Variants in ATIC observed in about 807,000 individuals in gnomAD.
ATIC encodes bifunctional purine biosynthesis protein ATIC.
Under a neutral mutation model 72.5 loss-of-function variants are expected in ATIC, and 64 were observed. The observed-to-expected ratio is 0.88, with a 90% CI of 0.72 to 1.09. The LOEUF (loss-of-function observed/expected upper bound fraction) is 1.09, where lower values mean the gene tolerates loss of function less well. Ranked by LOEUF, ATIC falls within the 50% of genes least tolerant of loss-of-function variation. The pLI is 0.00. For missense variants in ATIC, 787 were observed against 732.4 expected, an observed-to-expected ratio of 1.07 and a Z score of -0.86; for synonymous variants, 281 against 267.1, an observed-to-expected ratio of 1.05 and a Z score of -0.51.
At chr2:215,338,312 G>A (rs17448050) in intron 11 of ATIC, among the ~76,000 whole-genome samples, 2,732 of 152,284 alleles carry the variant, frequency 0.018, 34 homozygotes, top group Non-Finnish European at 0.026. Context: ...CAATTCCTGG[G>A]TTAGCTGGGT....
At chr2:215,319,031 C>T (rs2052739807) in intron 3 of ATIC, among the ~76,000 whole-genome samples, 1 of 151,882 alleles carries the variant, frequency 6.6e-6, no homozygotes, top group African/African-American at 2.4e-5. Flanking sequence ...TAGGCATGTG[C>T]CACCACACCC....
intron 2 of ATIC, among the ~76,000 whole-genome samples, chr2:215,313,990 CTTTT>C (rs1484561584): frequency 6.6e-6 from 1 of 151,936 alleles, no homozygotes. Flanking sequence ...TCTGTAGTCT[CTTTT>C]TTTTCCCCAC....
the ATIC span, chr2:215,368,057 G>A: frequency 1.2e-6 from 2 of 1,612,070 alleles, no homozygotes; most frequent in Non-Finnish European, 1.7e-6. Flanking sequence ...AAAGCAAAAA[G>A]AGACATCTTA....
Position 215,329,603 on chromosome 2 carries a change from A to G in ATIC, c.688+2625A>G, listed in dbSNP as rs370671851. Among the ~76,000 whole-genome samples the G allele has an allele frequency of 6.4e-4, 98 of 152,294 alleles. 2 individuals are homozygous for G. Among genetic ancestry groups the G allele is most frequent in the African/African-American group, 2.1e-3 (88 of 41,560 alleles). On this transcript the variant is annotated intron_variant, in intron 7 of 15. Coordinates refer to ENST00000236959, the MANE Select transcript of ATIC (RefSeq NM_004044.7). ...AAGATGGGGTTGTGTGAGTGTGTGT[A>G]TGTGTCTGAGATTTTAATGACTGGT...
chr2:215,331,956 C>T lies in ATIC; in HGVS notation c.689-426C>T, dbSNP rs560386773. Among the ~76,000 whole-genome samples the T allele has an allele frequency of 1.1e-4, 17 of 152,248 alleles. 1 individual carries two copies. The South Asian group carries it at 3.3e-3, about 30-fold the overall frequency. ...TAGCTTGTAATATAATTTCTTACAT[C>T]GATAGGGTTTATAACTTTAATTTTG... is the stretch of plus-strand genomic sequence containing the variant. On this transcript the variant is annotated intron_variant, in intron 7 of 15. Coordinates refer to ENST00000236959, the MANE Select transcript of ATIC (RefSeq NM_004044.7).
intron 10 of ATIC, 29 bp from the exon 11 acceptor site, chr2:215,336,006 A>AG: frequency 6.5e-7 from 1 of 1,535,546 alleles, no homozygotes; most frequent in Non-Finnish European, 9.0e-7. Flanking sequence ...ATTTTTAAAA[A>AG]TAGAAATTAA....
At position 215,318,245 on chromosome 2, in the gene ATIC, G is replaced by A. The variant is rs754477465; in HGVS notation, c.223+12G>A. ...TGCAGTCCATGCTGGTAAGTGGTTG[G>A]TATCTTTAATGTAAAAACAGTCAGT... On this transcript the variant is annotated intron_variant, in intron 3 of 15. Transcript: ENST00000236959. 8.1e-6 allele frequency: 13 copies of A among 1,609,490 alleles called. No individual in the cohort carries two copies. The East Asian group carries it at 2.2e-4, about 28-fold the overall frequency.
Position 215,333,428 on chromosome 2 carries a change from C to T in ATIC, c.893C>T (p.Pro298Leu), listed in dbSNP as rs1038021651. The T allele has an allele frequency of 1.9e-6, 3 of 1,613,926 alleles. No individual in the cohort carries two copies. The highest frequency in any genetic ancestry group is 1.3e-5 in the African/African-American group (1 of 74,894). ...MVYDLYKTLT[P>L]ISAAYARARG... ...TATGATCTCTATAAAACCCTCACAC[C>T]CATCTCAGCGGCATATGCAAGAGCA... The change falls in exon 9 of 16, where the codon CCC becomes CTC. Residue 298 changes from proline (P) to leucine (L), a missense_variant. By Grantham distance (98) the Pro-to-Leu change is moderately conservative (BLOSUM62 -3). Transcript: ENST00000236959.
rs188520392 is a variant in ATIC at position 215,322,948 on chromosome 2, T to A, written c.291-2293T>A. Among the ~76,000 whole-genome samples, 285 of 152,096 alleles carry A rather than the reference T, an allele frequency of 1.9e-3. 3 individuals carry two copies. Among genetic ancestry groups the A allele is most frequent in the African/African-American group, 6.6e-3 (274 of 41,490 alleles). On this transcript the variant is annotated intron_variant, in intron 4 of 15. Transcript: ENST00000236959. ...GTTTTTTGTTTGTTTGTTTGTTTTG[T>A]TTTGTTTTGTTTTTGAGACGGAGTC...
Position 215,349,260 on chromosome 2 carries a change from A to G in ATIC, c.1659+11A>G. On this transcript the variant is annotated intron_variant, in intron 15 of 15. Transcript: ENST00000236959. ...GACAGAGCTAAAAGGGTAAGTATGG[A>G]ATTGGGTGCATTTGCTTAGAGTTGA... 6.2e-7 allele frequency: 1 copy of G among 1,613,996 alleles called. No individual in the cohort carries two copies. The highest frequency in any genetic ancestry group is 8.5e-7 in the Non-Finnish European group (1 of 1,180,000).
intron 7 of ATIC, among the ~76,000 whole-genome samples, chr2:215,329,008 C>T (rs1040916344): frequency 1.3e-5 from 2 of 152,218 alleles, no homozygotes; most frequent in Admixed American, 6.5e-5. Flanking sequence ...TGAGCCACAG[C>T]GCCCAGCCAG....
At chr2:215,347,652 G>C (rs2106044849) in intron 14 of ATIC, 1 of 489,394 alleles carries the variant, frequency 2.0e-6, no homozygotes, top group Non-Finnish European at 4.1e-6. Flanking sequence ...TCATTGAAGA[G>C]TGAGGCTGCA....
intron 11 of ATIC, among the ~76,000 whole-genome samples, chr2:215,336,427 T>C (rs1559275935): frequency 6.6e-6 from 1 of 152,218 alleles, no homozygotes; most frequent in East Asian, 1.9e-4. Context: ...TGTGGTACTA[T>C]GATGCCTGTG....
intron 3 of ATIC, 60 bp from the exon 4 acceptor site, chr2:215,319,605 C>T: frequency 1.6e-6 from 2 of 1,230,958 alleles, no homozygotes; most frequent in East Asian, 2.3e-5. Context: ...TGTTGAAAGA[C>T]ATTCCTTAAT....
At chr2:215,368,107 T>C in the ATIC span, 4 of 1,402,848 alleles carry the variant, frequency 2.9e-6, no homozygotes, top group East Asian at 4.7e-5. Flanking sequence ...CGAATGACTG[T>C]ATACAATGAC....
chr2:215,343,377 C>T (rs895090831), intron 12 of ATIC, among the ~76,000 whole-genome samples: 1 of 152,082 alleles, frequency 6.6e-6, no homozygotes, highest in African/African-American at 2.4e-5. Context: ...CGCTCTGTCA[C>T]CTAGACTGGA....
chr2:215,323,466 T>A (rs1029301084), intron 4 of ATIC, among the ~76,000 whole-genome samples: 8 of 152,234 alleles, frequency 5.3e-5, no homozygotes, highest in African/African-American at 1.9e-4. Context: ...TCTTTAACAT[T>A]GTCTTGTGAA....
chr2:215,312,943 C>CA (rs1232484517), intron 2 of ATIC, among the ~76,000 whole-genome samples: 4 of 152,052 alleles, frequency 2.6e-5, no homozygotes, highest in African/African-American at 9.7e-5. Flanking sequence ...ACTAAAAATA[C>CA]AAAAATTAGC....
chr2:215,321,946 C>T (rs2052772017), intron 4 of ATIC, among the ~76,000 whole-genome samples: 1 of 152,156 alleles, frequency 6.6e-6, no homozygotes, highest in South Asian at 2.1e-4. Context: ...TACTCTCGCC[C>T]AGGCTGGAGC....
Sources: allele counts gnomAD v4.1 joint callset (sites outside exome capture counted in the v4.1 genomes callset), GRCh38; gene constraint gnomAD v4.1.1; transcripts MANE v1.5; gene names NCBI Gene and HGNC (gene_info 2026-07-23, HGNC 2026-07-21).